DMD: variants seen among roughly 807,000 people sequenced by gnomAD.
DMD encodes dystrophin.
DMD carries 63 observed loss-of-function variants against 330.1 expected under a neutral mutation model. The observed-to-expected ratio is 0.19, with a 90% CI of 0.16 to 0.24. The LOEUF (loss-of-function observed/expected upper bound fraction) is 0.24, where lower values mean the gene tolerates loss of function less well. Among genes scored for constraint, DMD ranks in the 10% least tolerant of loss-of-function variants. The pLI is 1.00. For missense variants in DMD, 3,344 were observed against 2,684.1 expected (o/e 1.25, Z -5.43); for synonymous variants, 1,223 against 959.8 (o/e 1.27, Z -5.07).
chrX:31,732,406 C>T (rs1035398777), intron 51 of DMD, among the ~76,000 whole-genome samples: 13 of 110,936 alleles, frequency 1.2e-4, no homozygotes, highest in Non-Finnish European at 2.3e-4. Context: ...ATATGGCATA[C>T]GCTTCAGTAT....
At chrX:32,986,839 G>A (rs2092855759) in intron 2 of DMD, among the ~76,000 whole-genome samples, 1 of 112,465 alleles carries the variant, frequency 8.9e-6, no homozygotes, top group Non-Finnish European at 1.9e-5. Context: ...TGCATTTCTT[G>A]TAAAGTGTGC....
Position 31,627,844 on chromosome X carries a change from A to C in DMD, c.8046T>G (p.Ala2682=). The C allele has an allele frequency of 8.3e-7, 1 of 1,209,026 alleles. No individual in the cohort carries two copies. The highest frequency in any genetic ancestry group is 1.1e-6 in the Non-Finnish European group (1 of 894,201). ...GTAATCTATGAGTTTCTTCCAAAGC[A>C]GCCTCTCGCTCACTCACCCTGCAAA... ...SIHKRVSERE[A]ALEETHRLLQ... is the part of the protein sequence containing the mutation. The change falls in exon 55 of 79, where the codon GCT becomes GCG. Residue 2682 remains alanine, a synonymous_variant. Transcript: ENST00000357033.
chrX:31,507,356 G>A lies in DMD; in HGVS notation c.8315C>T (p.Ala2772Val), dbSNP rs758105917. 1.1e-5 allele frequency: 13 copies of A among 1,211,115 alleles called. No individual in the cohort carries two copies. The highest frequency in any genetic ancestry group is 1.5e-5 in the Non-Finnish European group (13 of 894,975). The change falls in exon 56 of 79, where the codon GCA becomes GTA. Residue 2772 changes from alanine to valine, a missense_variant. By Grantham distance (64) the Ala-to-Val change is moderately conservative (BLOSUM62 0). Transcript: ENST00000357033. ...ILRSLEGSDD[A>V]VLLQRRLDNM... ...ATCCAAACGTCTTTGTAACAGGACT[G>A]CATCATCGGAACCTTCCAGGGATCT... is the stretch of plus-strand genomic sequence containing the variant.
At position 31,120,011 on chromosome X, in the gene DMD, TGTTA is replaced by T. The variant is rs1055977066; in HGVS notation, c.*1904_*1907del. ...AAATAGCATGAGAAGCCGTGTTTGA[TGTTA>T]ATTAATTAATTATTAATAATGGACA... On this transcript the variant is annotated 3_prime_UTR_variant, in exon 79 of 79. Coordinates refer to ENST00000357033, the MANE Select transcript of DMD (RefSeq NM_004006.3). The T allele has an allele frequency of 2.7e-5, 3 of 110,530 alleles. No homozygotes were observed. Among genetic ancestry groups the T allele is most frequent in the Non-Finnish European group, 5.7e-5 (3 of 52,541 alleles). 9.1% of individuals were successfully genotyped at this position (110,530 alleles called of 1,213,427 possible).
intron 51 of DMD, among the ~76,000 whole-genome samples, chrX:31,752,650 C>T (rs2088686812): frequency 9.0e-6 from 1 of 111,365 alleles, no homozygotes; most frequent in Non-Finnish European, 1.9e-5. Context: ...TGACAAGCTG[C>T]TCTTCAGGAA....
intron 2 of DMD, among the ~76,000 whole-genome samples, chrX:32,962,713 T>C (rs1191034292): frequency 8.9e-6 from 1 of 112,086 alleles, no homozygotes; most frequent in African/African-American, 3.2e-5. Flanking sequence ...GTTGGGTACA[T>C]GTTACTGATC....
chrX:32,280,010 TATATATGTACCCCAC>T (rs2097410112), intron 43 of DMD, among the ~76,000 whole-genome samples: 1 of 102,838 alleles, frequency 9.7e-6, no homozygotes, highest in African/African-American at 3.5e-5. Flanking sequence ...ACCCCACATA[TATATATGTACCCCAC>T]ATATATATAT....
intron 61 of DMD, among the ~76,000 whole-genome samples, chrX:31,338,478 C>G (rs894208139): frequency 2.2e-4 from 24 of 109,427 alleles, no homozygotes; most frequent in African/African-American, 7.0e-4. Flanking sequence ...AACAAACAAA[C>G]AAAAAGCCCA....
chrX:32,884,824 A>G (rs2149223102), intron 2 of DMD, among the ~76,000 whole-genome samples: 1 of 112,302 alleles, frequency 8.9e-6, no homozygotes, highest in East Asian at 2.8e-4. Flanking sequence ...ATCCTACCAA[A>G]CAAGGAGAAG....
At chrX:32,199,541 G>T (rs1176206566) in intron 44 of DMD, among the ~76,000 whole-genome samples, 1 of 12,109 alleles carries the variant, frequency 8.3e-5, no homozygotes, top group Non-Finnish European at 2.5e-4. Context: ...GGGGAAGGGG[G>T]AGGGGTGTGA....
chrX:33,227,186 T>C (rs1367540338), intron 1 of DMD, among the ~76,000 whole-genome samples: 1 of 111,178 alleles, frequency 9.0e-6, no homozygotes, highest in Non-Finnish European at 1.9e-5. Flanking sequence ...TAGACCAAGT[T>C]ATTACTACAC....
intron 60 of DMD, among the ~76,000 whole-genome samples, chrX:31,442,090 T>C (rs1004651013): frequency 8.9e-6 from 1 of 111,821 alleles, no homozygotes; most frequent in African/African-American, 3.2e-5. Context: ...AGATTAAAAG[T>C]TAGAGTTATA....
At chrX:32,038,515 A>G (rs1341974718) in intron 44 of DMD, among the ~76,000 whole-genome samples, 1 of 111,294 alleles carries the variant, frequency 9.0e-6, no homozygotes, top group East Asian at 2.8e-4. Context: ...TCTCTGGGCG[A>G]GGTCATCAGG....
intron 17 of DMD, among the ~76,000 whole-genome samples, chrX:32,538,141 C>T (rs752158654): frequency 8.9e-6 from 1 of 112,183 alleles, no homozygotes; most frequent in South Asian, 3.7e-4. Context: ...TTAACCTGCC[C>T]AGGAATAGAT....
chrX:31,708,622 AACT>A (rs2084375669), intron 52 of DMD, among the ~76,000 whole-genome samples: 1 of 111,671 alleles, frequency 9.0e-6, no homozygotes, highest in African/African-American at 3.3e-5. Flanking sequence ...TACTATTTGA[AACT>A]ACTTCCATTA....
intron 48 of DMD, among the ~76,000 whole-genome samples, chrX:31,842,909 T>C (rs1162859733): frequency 9.0e-6 from 1 of 111,507 alleles, no homozygotes; most frequent in African/African-American, 3.3e-5. Context: ...GTATGTACTG[T>C]TGCCATCTTT....
intron 29 of DMD, among the ~76,000 whole-genome samples, chrX:32,437,615 C>T (rs1377400924): frequency 8.9e-6 from 1 of 111,900 alleles, no homozygotes; most frequent in Non-Finnish European, 1.9e-5. Context: ...ACCATAGAAC[C>T]ATATCTCACA....
At chrX:32,709,118 G>C (rs752480183) in intron 7 of DMD, among the ~76,000 whole-genome samples, 1 of 111,799 alleles carries the variant, frequency 8.9e-6, no homozygotes, top group Non-Finnish European at 1.9e-5. Flanking sequence ...AATTTCATTT[G>C]AGTTTGGAGT....
chrX:32,417,491 G>C (rs1286238158), intron 29 of DMD, among the ~76,000 whole-genome samples: 10 of 111,321 alleles, frequency 9.0e-5, no homozygotes, highest in Non-Finnish European at 1.9e-4. Context: ...TTCTGAAGAT[G>C]TCTGCTTCAG....
Sources: allele counts gnomAD v4.1 joint callset (sites outside exome capture counted in the v4.1 genomes callset), GRCh38; gene constraint gnomAD v4.1.1; transcripts MANE v1.5; gene names NCBI Gene and HGNC (gene_info 2026-07-23, HGNC 2026-07-21).